The following SLC4A4 variants were observed in gnomAD, a reference collection of about 807,000 sequenced individuals.
SLC4A4 encodes the protein solute carrier family 4 member 4, also known as electrogenic sodium bicarbonate cotransporter 1.
Under a neutral mutation model 111.5 loss-of-function variants are expected in SLC4A4, and 27 were observed. The ratio of observed to expected loss-of-function variants is 0.24; its 90% confidence interval spans 0.18 to 0.33. The LOEUF is 0.33. Ranked by LOEUF, SLC4A4 falls within the 10% of genes least tolerant of loss-of-function variation. The probability of loss-of-function intolerance (pLI) is 1.00; values close to 1 mark genes in which losing one functional copy is unlikely to be tolerated. For missense variants in SLC4A4, 909 were observed against 1,315.5 expected, an observed-to-expected ratio of 0.69 and a Z score of 4.78; for synonymous variants, 443 against 463.4, an observed-to-expected ratio of 0.96 and a Z score of 0.57.
chr4:71,136,261 C>T (rs1743839809), intron 2 of SLC4A4, among the ~76,000 whole-genome samples: 1 of 152,164 alleles, frequency 6.6e-6, no homozygotes, highest in African/African-American at 2.4e-5. Context: ...AACCAGAGAC[C>T]AGCAGAACTG....
chr4:71,443,116 C>CTATA lies in SLC4A4; in HGVS notation c.965+2376_965+2379dup, dbSNP rs1168996571. Reference sequence around the variant, plus strand: ...TCTCTCTCTCTCTCTCTCTCTCTCTCTATATATATATATATATATATATAT... The same window carrying CTATA: ...TCTCTCTCTCTCTCTCTCTCTCTCTCTATATATATATATATATATATATATATAT... On this transcript the variant is annotated intron_variant, in intron 8 of 25. Transcript: ENST00000264485. 5.7e-3 allele frequency among the ~76,000 whole-genome samples: 372 copies of CTATA among 65,604 alleles called. 9 individuals are homozygous for CTATA. The highest frequency in any genetic ancestry group is 9.3e-3 in the Middle Eastern group (1 of 108). The allele number at this position is 65,604 out of a possible 152,430, so 43.0% of individuals were successfully genotyped here. A position where few individuals can be genotyped will look rare whatever the true frequency, so the allele number is the denominator to read the frequency against.
chr4:71,171,159 G>GT lies in SLC4A4; in HGVS notation c.-1-65400dup, dbSNP rs77494120. Among the ~76,000 whole-genome samples, 602 of 148,364 alleles carry GT rather than the reference G, an allele frequency of 4.1e-3. 8 individuals are homozygous for GT. Among genetic ancestry groups the GT allele is most frequent in the African/African-American group, 0.014 (565 of 40,214 alleles). On this transcript the variant is annotated intron_variant, in intron 2 of 26. Coordinates refer to the SLC4A4 transcript ENST00000649996. ...CTACTGAAAAATTTTTGTTTGTTTT[G>GT]TTTTTTTTTTTTTTTTTAAGAATGG...
intron 2 of SLC4A4, among the ~76,000 whole-genome samples, chr4:71,170,323 T>A (rs1284936424): frequency 6.6e-6 from 1 of 152,232 alleles, no homozygotes; most frequent in Non-Finnish European, 1.5e-5. Context: ...ATCTTGTGTA[T>A]AATAGGCATT....
chr4:71,372,190 G>T (rs565961439), intron 6 of SLC4A4, among the ~76,000 whole-genome samples: 39 of 152,266 alleles, frequency 2.6e-4, no homozygotes, highest in African/African-American at 9.4e-4. Flanking sequence ...TTCATTTAAA[G>T]TTCCTTTTAA....
chr4:71,112,484 G>T (rs534204446), intron 2 of SLC4A4, among the ~76,000 whole-genome samples: 2 of 152,236 alleles, frequency 1.3e-5, no homozygotes, highest in South Asian at 4.2e-4. Flanking sequence ...GAGATGATGG[G>T]ATCTAAAATA....
intron 3 of SLC4A4, among the ~76,000 whole-genome samples, chr4:71,269,242 C>A (rs1578718265): frequency 6.6e-6 from 1 of 152,204 alleles, no homozygotes; most frequent in Non-Finnish European, 1.5e-5. Flanking sequence ...AAAATTACAG[C>A]TATGAATAGT....
intron 15 of SLC4A4, among the ~76,000 whole-genome samples, chr4:71,491,866 C>T (rs1729952729): frequency 6.6e-6 from 1 of 151,618 alleles, no homozygotes; most frequent in South Asian, 2.1e-4. Context: ...GGTGGTTATA[C>T]ATTCATTTTG....
Position 71,178,537 on chromosome 4 carries a change from C to A in SLC4A4, c.-1-58039C>A, listed in dbSNP as rs184847755. 2.8e-3 allele frequency among the ~76,000 whole-genome samples: 432 copies of A among 152,270 alleles called. 1 individual carries two copies. The highest frequency in any genetic ancestry group is 4.3e-3 in the Non-Finnish European group (293 of 68,022). On this transcript the variant is annotated intron_variant, in intron 2 of 26. Coordinates refer to the SLC4A4 transcript ENST00000649996. ...GATAAAGGGGATATCACCACCATCC[C>A]ACAGAAATACAAACTACCATCAGAG...
chr4:71,183,848 G>C (rs1005216107), upstream of SLC4A4, among the ~76,000 whole-genome samples: 8 of 152,124 alleles, frequency 5.3e-5, no homozygotes, highest in Non-Finnish European at 7.4e-5. Context: ...AAACATCTCT[G>C]ATCAGTCTTT....
intron 3 of SLC4A4, among the ~76,000 whole-genome samples, chr4:71,265,894 A>G (rs1167213333): frequency 6.6e-6 from 1 of 152,230 alleles, no homozygotes; most frequent in Non-Finnish European, 1.5e-5. Context: ...CCAGCATACC[A>G]TATGATAAAT....
At chr4:71,174,944 T>C (rs1401646783) in intron 2 of SLC4A4, among the ~76,000 whole-genome samples, 4 of 152,188 alleles carry the variant, frequency 2.6e-5, no homozygotes, top group African/African-American at 9.7e-5. Context: ...AGGTGGGAAG[T>C]GAGCAAATAC....
At chr4:71,259,970 T>A (rs190156544) in intron 3 of SLC4A4, among the ~76,000 whole-genome samples, 420 of 152,320 alleles carry the variant, frequency 2.8e-3, no homozygotes, top group Non-Finnish European at 4.5e-3. Flanking sequence ...TAACTGCCTC[T>A]CACACACAGG....
rs200701913 is a variant in SLC4A4, at chr4:71,092,976, T to C, written c.-2+184T>C. On this transcript the variant is annotated intron_variant, in intron 2 of 26. Transcript: ENST00000649996. Reference sequence around the variant, plus strand: ...TGGGCGTGGTGGCGTGCGCCTGTAGTCCCAGCTACTCGGGAGGCTGAGGCA... The same window carrying C: ...TGGGCGTGGTGGCGTGCGCCTGTAGCCCCAGCTACTCGGGAGGCTGAGGCA... Among the ~76,000 whole-genome samples, 22 of 151,992 alleles carry C rather than the reference T, an allele frequency of 1.4e-4. No individual in the cohort carries two copies. The East Asian group carries it at 4.1e-3, about 28-fold the overall frequency.
At chr4:71,241,664 T>G (rs1720234944) in intron 2 of SLC4A4, among the ~76,000 whole-genome samples, 1 of 152,204 alleles carries the variant, frequency 6.6e-6, no homozygotes, top group South Asian at 2.1e-4. Context: ...TGCATTTTGC[T>G]GACCTCTTCT....
At chr4:71,231,822 T>G (rs1719445140) in intron 1 of SLC4A4, among the ~76,000 whole-genome samples, 1 of 152,226 alleles carries the variant, frequency 6.6e-6, no homozygotes, top group Non-Finnish European at 1.5e-5. Context: ...CTGGATGAGT[T>G]AATTTCTTCC....
At chr4:71,127,701 G>A (rs924274033) in intron 2 of SLC4A4, among the ~76,000 whole-genome samples, 2 of 151,972 alleles carry the variant, frequency 1.3e-5, no homozygotes, top group African/African-American at 4.8e-5. Flanking sequence ...AAAGTATATA[G>A]TATATCAGTT....
In SLC4A4 at chr4:71,216,711, T is replaced by C. The variant is rs149301788; in HGVS notation, c.-1-19865T>C. ...TGAGGAGGGAGCATGGCATGGAGCA[T>C]TGGAGTCAGAGCTGGGTTTGAATTC... On this transcript the variant is annotated intron_variant, in intron 1 of 25. Coordinates refer to ENST00000264485, the MANE Select transcript of SLC4A4 (RefSeq NM_001098484.3). 7.4e-4 allele frequency among the ~76,000 whole-genome samples: 113 copies of C among 152,274 alleles called. 1 individual carries two copies. The highest frequency in any genetic ancestry group is 2.6e-3 in the African/African-American group (109 of 41,568).
intron 4 of SLC4A4, among the ~76,000 whole-genome samples, chr4:71,347,002 AT>A (rs1729385755): frequency 6.6e-6 from 1 of 152,146 alleles, no homozygotes; most frequent in Admixed American, 6.6e-5. Context: ...ATAAATATAG[AT>A]TTTAAGAAAC....
At chr4:71,473,035 T>C (rs1424304489) in intron 14 of SLC4A4, 65 bp downstream of exon 14, 2 of 1,568,232 alleles carry the variant, frequency 1.3e-6, no homozygotes, top group South Asian at 2.2e-5. Context: ...GGCTCCATGC[T>C]TGCAAATTTT....
Sources: allele counts gnomAD v4.1 joint callset (sites outside exome capture counted in the v4.1 genomes callset), GRCh38; gene constraint gnomAD v4.1.1; transcripts MANE v1.5; gene names NCBI Gene and HGNC (gene_info 2026-07-23, HGNC 2026-07-21).